The following CSMD1 variants were observed in gnomAD, a reference collection of about 807,000 sequenced individuals.
CSMD1 encodes the protein CUB and sushi domain-containing protein 1.
CSMD1 carries 213 observed loss-of-function variants against 417.5 expected under a neutral mutation model. The ratio of observed to expected loss-of-function variants is 0.51; its 90% confidence interval spans 0.46 to 0.57. CSMD1 has a LOEUF of 0.57. Among genes scored for constraint, CSMD1 ranks in the 20% least tolerant of loss-of-function variants. The probability of loss-of-function intolerance (pLI) is 0.00; values close to 1 mark genes in which losing one functional copy is unlikely to be tolerated. For synonymous variants in CSMD1, 2,862 were observed against 1,736.8 expected, an observed-to-expected ratio of 1.65 and a Z score of -16.11; for missense variants, 6,923 against 4,529.7, an observed-to-expected ratio of 1.53 and a Z score of -15.17.
intron 1 of CSMD1, among the ~76,000 whole-genome samples, chr8:4,740,782 T>C (rs1810553035): frequency 6.6e-6 from 1 of 152,192 alleles, no homozygotes; most frequent in Admixed American, 6.5e-5. Flanking sequence ...TTCTCTTAGG[T>C]ATATTTTCAA....
chr8:3,565,627 T>C (rs186900687), intron 10 of CSMD1, among the ~76,000 whole-genome samples: 61 of 152,298 alleles, frequency 4.0e-4, no homozygotes, highest in African/African-American at 1.3e-3. Context: ...AAAAAAACCA[T>C]TGAATCATAA....
chr8:4,846,787 A>C (rs550710838), intron 1 of CSMD1, among the ~76,000 whole-genome samples: 1 of 152,366 alleles, frequency 6.6e-6, no homozygotes, highest in East Asian at 1.9e-4. Context: ...GTTAGAAAGT[A>C]AATTAGACAG....
intron 3 of CSMD1, among the ~76,000 whole-genome samples, chr8:4,058,979 C>G (rs1411973188): frequency 6.6e-6 from 1 of 151,880 alleles, no homozygotes; most frequent in African/African-American, 2.4e-5. Context: ...CCCAAATCAA[C>G]ACAACACAAA....
chr8:3,246,200 G>C (rs1799868119), intron 26 of CSMD1, among the ~76,000 whole-genome samples: 1 of 151,958 alleles, frequency 6.6e-6, no homozygotes, highest in Non-Finnish European at 1.5e-5. Context: ...GGTCCCGTGG[G>C]ATCAGGGCCC....
At chr8:3,776,311 C>G (rs2129061102) in intron 5 of CSMD1, among the ~76,000 whole-genome samples, 1 of 152,202 alleles carries the variant, frequency 6.6e-6, no homozygotes, top group Admixed American at 6.5e-5. Flanking sequence ...ACATACAACC[C>G]AAATTAGATC....
intron 3 of CSMD1, among the ~76,000 whole-genome samples, chr8:4,238,071 G>A (rs542529695): frequency 6.6e-6 from 1 of 152,086 alleles, no homozygotes; most frequent in Non-Finnish European, 1.5e-5. Flanking sequence ...GAGGCCTCAA[G>A]AGATTGTAAA....
At chr8:3,236,561 A>G (rs1799166786) in intron 26 of CSMD1, among the ~76,000 whole-genome samples, 1 of 152,172 alleles carries the variant, frequency 6.6e-6, no homozygotes, top group Non-Finnish European at 1.5e-5. Context: ...GTTAAAGGCA[A>G]GAAAGCTTAT....
intron 21 of CSMD1, among the ~76,000 whole-genome samples, chr8:3,354,818 T>C (rs941818714): frequency 5.6e-5 from 8 of 142,404 alleles, no homozygotes; most frequent in Non-Finnish European, 1.2e-4. Flanking sequence ...TCTCTATATA[T>C]ATCTATAGAT....
At chr8:3,049,220 C>T (rs1811655846) in intron 50 of CSMD1, among the ~76,000 whole-genome samples, 1 of 152,132 alleles carries the variant, frequency 6.6e-6, no homozygotes, top group African/African-American at 2.4e-5. Flanking sequence ...CTCTATCAAT[C>T]TCAACCTTCG....
chr8:3,659,576 A>G (rs1412709800), intron 7 of CSMD1, among the ~76,000 whole-genome samples: 1 of 152,116 alleles, frequency 6.6e-6, no homozygotes, highest in Non-Finnish European at 1.5e-5. Flanking sequence ...TATTAGCAAA[A>G]ATGATTCAAC....
chr8:4,356,683 C>T (rs1335236572), intron 3 of CSMD1, among the ~76,000 whole-genome samples: 1 of 152,148 alleles, frequency 6.6e-6, no homozygotes, highest in Non-Finnish European at 1.5e-5. Flanking sequence ...GGGCTTCTTT[C>T]CATGTGTTTT....
chr8:3,049,010 T>A (rs1811643004), intron 50 of CSMD1, among the ~76,000 whole-genome samples: 1 of 152,058 alleles, frequency 6.6e-6, no homozygotes. Flanking sequence ...ATCAGAGTAT[T>A]GCTAATTAAA....
At chr8:3,026,639 A>G (rs1396981820) in intron 51 of CSMD1, among the ~76,000 whole-genome samples, 1 of 152,106 alleles carries the variant, frequency 6.6e-6, no homozygotes, top group African/African-American at 2.4e-5. Flanking sequence ...AGCCCTGTCA[A>G]CACCGTGAAC....
At chr8:3,465,871 G>A (rs1018323676) in intron 12 of CSMD1, among the ~76,000 whole-genome samples, 17 of 152,106 alleles carry the variant, frequency 1.1e-4, no homozygotes, top group African/African-American at 3.9e-4. Flanking sequence ...AGGTATGAGA[G>A]GGCACACACT....
At chr8:4,708,424 T>G (rs6996296) in intron 1 of CSMD1, among the ~76,000 whole-genome samples, 1 of 151,818 alleles carries the variant, frequency 6.6e-6, no homozygotes, top group African/African-American at 2.4e-5. Context: ...AAAGTAAAAC[T>G]GCTAATAGTT....
chr8:3,835,817 G>C (rs972455104), intron 5 of CSMD1, among the ~76,000 whole-genome samples: 2 of 151,526 alleles, frequency 1.3e-5, no homozygotes, highest in African/African-American at 4.8e-5. Flanking sequence ...TAATTTTTCA[G>C]TCTAGGAGTT....
intron 5 of CSMD1, among the ~76,000 whole-genome samples, chr8:3,968,280 G>A (rs1812830095): frequency 6.6e-6 from 1 of 152,114 alleles, no homozygotes; most frequent in East Asian, 1.9e-4. Flanking sequence ...GGTAGTATGA[G>A]TATTGCCTGG....
intron 5 of CSMD1, among the ~76,000 whole-genome samples, chr8:3,758,812 C>T (rs1044965385): frequency 3.9e-5 from 6 of 152,052 alleles, no homozygotes; most frequent in Non-Finnish European, 5.9e-5. Context: ...CAGAACAATG[C>T]GCTTACTGAG....
At chr8:4,092,146 C>A (rs991762232) in intron 3 of CSMD1, among the ~76,000 whole-genome samples, 1 of 152,086 alleles carries the variant, frequency 6.6e-6, no homozygotes, top group Non-Finnish European at 1.5e-5. Context: ...AAAATTTTTC[C>A]TTAAATTCTA....
Sources: gnomAD v4.1 joint callset for allele counts (sites outside exome capture counted in the v4.1 genomes callset) on GRCh38, gnomAD v4.1.1 for gene constraint, MANE v1.5 for transcripts, NCBI Gene and HGNC (gene_info 2026-07-23, HGNC 2026-07-21) for gene names.